The following MYL1 variants were observed in gnomAD, a reference collection of about 807,000 sequenced individuals.
MYL1 encodes myosin light chain 1, also known as myosin light chain 1/3, skeletal muscle isoform.
In MYL1, 16 loss-of-function variants were observed where a neutral mutation model predicts 21.8. The ratio of observed to expected loss-of-function variants is 0.74; its 90% CI spans 0.50 to 1.12. The LOEUF is 1.12. MYL1 is among the 50% of genes most tolerant of loss of function. The probability of loss-of-function intolerance (pLI) is 0.00; values close to 1 mark genes in which losing one functional copy is unlikely to be tolerated. For synonymous variants in MYL1, 99 were observed against 85.2 expected (o/e 1.16, Z -0.89); for missense variants, 246 against 241.0 (o/e 1.02, Z -0.14).
chr2:210,315,059 G>A lies in MYL1; in HGVS notation c.-17C>T. The A allele has an allele frequency of 1.3e-6, 2 of 1,594,290 alleles. No individual in the cohort carries two copies. Among genetic ancestry groups the A allele is most frequent in the Non-Finnish European group, 8.5e-7 (1 of 1,175,512 alleles). On this transcript the variant is annotated 5_prime_UTR_variant, in exon 1 of 7. Transcript: ENST00000352451. ...TGGTGCCATTTTTTTTTTTAAAAGG[G>A]TGGGTTAAAAAGAGAAGGAGTTCCT... is the stretch of plus-strand genomic sequence containing the variant.
intron 2 of MYL1, among the ~76,000 whole-genome samples, chr2:210,299,775 G>A (rs1690235654): frequency 6.6e-6 from 1 of 152,114 alleles, no homozygotes. Flanking sequence ...AAGTACTGCT[G>A]ATGACTTCCA....
chr2:210,293,931 G>T, intron 4 of MYL1, 131 bp from the exon 5 acceptor site: 1 of 785,004 alleles, frequency 1.3e-6, no homozygotes. Flanking sequence ...CCATTCTTTT[G>T]GTACTTAATA....
intron 3 of MYL1, 98 bp downstream of exon 3, chr2:210,298,322 T>G: frequency 7.8e-7 from 1 of 1,279,474 alleles, no homozygotes; most frequent in Non-Finnish European, 1.1e-6. Flanking sequence ...ACACACATAC[T>G]ACACACACAC....
chr2:210,298,577 G>T lies in MYL1; in HGVS notation c.161-14C>A. ...CCTCCTTGAATTCTGCAAAAAGCAA[G>T]AAGCATTAGAGTGCTCTTTTCTTCC... On this transcript the variant is annotated splice_polypyrimidine_tract_variant and intron_variant, in intron 2 of 6. Transcript: ENST00000352451. 2 of 1,613,650 alleles carry T rather than the reference G, an allele frequency of 1.2e-6. No homozygotes were observed. Among genetic ancestry groups the T allele is most frequent in the Non-Finnish European group, 1.7e-6 (2 of 1,179,834 alleles).
intron 2 of MYL1, among the ~76,000 whole-genome samples, chr2:210,301,344 C>T (rs868840959): frequency 2.6e-5 from 4 of 152,038 alleles, no homozygotes; most frequent in Admixed American, 6.5e-5. Flanking sequence ...GATACAGATG[C>T]ATGTGAGTCT....
chr2:210,304,732 A>G (rs984217697), intron 1 of MYL1, among the ~76,000 whole-genome samples: 1 of 152,136 alleles, frequency 6.6e-6, no homozygotes, highest in African/African-American at 2.4e-5. Flanking sequence ...CTTTTTGTAG[A>G]TACAGGGTCT....
intron 1 of MYL1, among the ~76,000 whole-genome samples, chr2:210,312,757 T>TTAA (rs774429085): frequency 7.2e-5 from 11 of 152,034 alleles, no homozygotes; most frequent in Middle Eastern, 3.4e-3. Flanking sequence ...CCAGATTCAT[T>TTAA]TAACTTCTTT....
intron 2 of MYL1, among the ~76,000 whole-genome samples, chr2:210,299,364 T>C (rs1174993784): frequency 6.6e-6 from 1 of 152,190 alleles, no homozygotes; most frequent in Non-Finnish European, 1.5e-5. Context: ...ATCTCTTGTA[T>C]GCTCTGCCCG....
Position 210,293,753 on chromosome 2 carries a change from C to T in MYL1, c.526G>A (p.Glu176Lys), listed in dbSNP as rs1690121422. The change falls in exon 5 of 7, where the codon GAA becomes AAA. Residue 176 changes from glutamate (E) to lysine (K), a missense_variant. Physicochemically the swap from Glu to Lys is moderately conservative, Grantham distance 56. Transcript: ENST00000352451. The part of the protein sequence containing the change: ...EEVEALMAGQ[E>K]DSNGCINYEA... Reference sequence around the variant, plus strand: ...TAGTTGATGCAGCCATTGGAGTCTTCTTGACCTGCCATCAGGGCTTCCACT... The same window carrying T: ...TAGTTGATGCAGCCATTGGAGTCTTTTTGACCTGCCATCAGGGCTTCCACT... 6.2e-7 allele frequency: 1 copy of T among 1,614,072 alleles called. No homozygotes were observed. The highest frequency in any genetic ancestry group is 8.5e-7 in the Non-Finnish European group (1 of 1,179,952).
intron 5 of MYL1, among the ~76,000 whole-genome samples, chr2:210,293,278 G>C (rs1690109329): frequency 6.6e-6 from 1 of 152,142 alleles, no homozygotes; most frequent in Non-Finnish European, 1.5e-5. Flanking sequence ...AAGAACACTA[G>C]ACAAGGAAAA....
intron 1 of MYL1, among the ~76,000 whole-genome samples, chr2:210,308,309 G>C (rs7556821): frequency 0.53 from 78,664 of 149,018 alleles, 20,903 homozygotes; most frequent in Middle Eastern, 0.63. Flanking sequence ...TATTTTGGAA[G>C]TCTTAGGAGT....
rs140061760 is a variant in MYL1 at position 210,291,978 on chromosome 2, G to A, written c.557-904C>T. The stretch of plus-strand genomic sequence containing the variant: ...CCATCAGTGATACATGAAATTGCCT[G>A]TTTCCACACCCTCTCCTCAGCCCAA... On this transcript the variant is annotated intron_variant, in intron 5 of 6. Transcript: ENST00000352451. 3.5e-3 allele frequency among the ~76,000 whole-genome samples: 529 copies of A among 152,232 alleles called. 2 individuals are homozygous for A. Among genetic ancestry groups the A allele is most frequent in the Middle Eastern group, 0.02 (6 of 294 alleles).
At chr2:210,290,652 G>C (rs562214058) in intron 6 of MYL1, among the ~76,000 whole-genome samples, 185 bp from the exon 7 acceptor site, 3 of 152,082 alleles carry the variant, frequency 2.0e-5, no homozygotes, top group Non-Finnish European at 4.4e-5. Context: ...GTTATAACAC[G>C]GTTTTCTAGA....
intron 1 of MYL1, among the ~76,000 whole-genome samples, chr2:210,304,337 T>C (rs1260698324): frequency 1.3e-5 from 2 of 152,120 alleles, no homozygotes; most frequent in African/African-American, 2.4e-5. Flanking sequence ...TTTTCAGAAG[T>C]TTTTCTAGGC....
chr2:210,306,630 C>T (rs1011609488), intron 1 of MYL1, among the ~76,000 whole-genome samples: 8 of 151,666 alleles, frequency 5.3e-5, no homozygotes, highest in African/African-American at 1.7e-4. Context: ...ACAGTATAGT[C>T]TAGAGAAAAA....
chr2:210,307,413 TCTC>T (rs1277708890), intron 1 of MYL1, among the ~76,000 whole-genome samples: 4 of 152,338 alleles, frequency 2.6e-5, no homozygotes, highest in African/African-American at 7.2e-5. Context: ...AATATAAACT[TCTC>T]CTCTAGAATG....
intron 2 of MYL1, 57 bp from the exon 3 acceptor site, chr2:210,298,620 A>G: frequency 1.3e-6 from 2 of 1,579,442 alleles, no homozygotes; most frequent in South Asian, 2.3e-5. Flanking sequence ...TATTAATTAA[A>G]CCTAACCTTA....
At chr2:210,296,445 C>A (rs1018582390) in intron 3 of MYL1, among the ~76,000 whole-genome samples, 9 of 152,144 alleles carry the variant, frequency 5.9e-5, no homozygotes, top group Non-Finnish European at 1.2e-4. Context: ...ATTCCCTCCT[C>A]TCTTCGTTAA....
intron 1 of MYL1, among the ~76,000 whole-genome samples, chr2:210,310,194 A>T (rs1690396633): frequency 6.6e-6 from 1 of 152,138 alleles, no homozygotes; most frequent in Non-Finnish European, 1.5e-5. Context: ...AGTAAAAGAA[A>T]ACAAACTTTT....
Sources: gnomAD v4.1 joint callset for allele counts (sites outside exome capture counted in the v4.1 genomes callset) on GRCh38, gnomAD v4.1.1 for gene constraint, MANE v1.5 for transcripts, NCBI Gene and HGNC (gene_info 2026-07-23, HGNC 2026-07-21) for gene names.